Variants in HMCN1 observed in about 807,000 individuals in gnomAD.
HMCN1 encodes the protein hemicentin 1.
HMCN1 carries 321 observed loss-of-function variants against 625.9 expected under a neutral mutation model. The ratio of observed to expected loss-of-function variants is 0.51; its 90% confidence interval spans 0.47 to 0.56. The LOEUF is 0.56. Ranked by LOEUF, HMCN1 falls within the 20% of genes least tolerant of loss-of-function variation. The probability of loss-of-function intolerance (pLI) is 0.00; values close to 1 mark genes in which losing one functional copy is unlikely to be tolerated. For missense variants in HMCN1, 6,588 were observed against 6,887.3 expected (o/e 0.96, Z 1.54); for synonymous variants, 2,425 against 2,417.6 (o/e 1.00, Z -0.09).
intron 1 of HMCN1, among the ~76,000 whole-genome samples, chr1:185,763,569 G>C (rs555590889): frequency 1.3e-5 from 2 of 152,042 alleles, no homozygotes; most frequent in Non-Finnish European, 2.9e-5. Context: ...CTAAATGCTT[G>C]GTTAAAAATA....
chr1:185,947,962 G>A (rs534605180), intron 11 of HMCN1, among the ~76,000 whole-genome samples: 34 of 152,286 alleles, frequency 2.2e-4, no homozygotes, highest in African/African-American at 7.7e-4. Context: ...AAATGAAAAT[G>A]CATTTGAAAA....
At chr1:185,746,646 C>A (rs1262810889) in intron 1 of HMCN1, among the ~76,000 whole-genome samples, 1 of 149,454 alleles carries the variant, frequency 6.7e-6, no homozygotes, top group Non-Finnish European at 1.5e-5. Flanking sequence ...TCTCTGTTGC[C>A]CAGGCTAGAG....
At chr1:185,795,623 G>T (rs1658319177) in intron 1 of HMCN1, among the ~76,000 whole-genome samples, 1 of 152,128 alleles carries the variant, frequency 6.6e-6, no homozygotes, top group African/African-American at 2.4e-5. Flanking sequence ...CATGACCTCT[G>T]TTTACATTGA....
At chr1:186,043,389 T>C (rs1277502983) in intron 40 of HMCN1, among the ~76,000 whole-genome samples, 1 of 152,198 alleles carries the variant, frequency 6.6e-6, no homozygotes, top group East Asian at 1.9e-4. Flanking sequence ...ATAATTAGAT[T>C]TGCTTCAATT....
intron 85 of HMCN1, 96 bp downstream of exon 85, chr1:186,130,793 T>C: frequency 9.5e-7 from 1 of 1,049,338 alleles, no homozygotes; most frequent in Non-Finnish European, 1.5e-6. Flanking sequence ...CTTACATTCC[T>C]ATTTAAATCA....
chr1:185,813,141 A>G (rs1659631684), intron 1 of HMCN1, among the ~76,000 whole-genome samples: 1 of 152,178 alleles, frequency 6.6e-6, no homozygotes, highest in South Asian at 2.1e-4. Context: ...TTGGCCCCAT[A>G]ATAGTTGCTC....
At position 186,136,839 on chromosome 1, in the gene HMCN1, A is replaced by G. The variant is rs2102533701; in HGVS notation, c.13484A>G (p.Tyr4495Cys). 1 of 1,614,080 alleles carries G rather than the reference A, an allele frequency of 6.2e-7. No homozygotes were observed. Among genetic ancestry groups the G allele is most frequent in the East Asian group, 2.2e-5 (1 of 44,872 alleles). ...AACGTGTTGTCCAACAACTCATTAT[A>G]TATTGCTGATGCTCAGAAAGAAGAT... The part of the protein sequence containing the change: ...RVNVLSNNSL[Y>C]IADAQKEDTS... Residue 4495 changes from tyrosine (Y) to cysteine (C), a missense_variant, in exon 87 of 107, where the codon TAT becomes TGT. This residue lies in a region of HMCN1 where 1,954 missense variants were observed against 2,013.1 expected (regional missense o/e 0.97). Coordinates refer to ENST00000271588, the MANE Select transcript of HMCN1 (RefSeq NM_031935.3).
intron 101 of HMCN1, 84 bp downstream of exon 101, chr1:186,171,534 T>C: frequency 9.4e-7 from 1 of 1,060,876 alleles, no homozygotes; most frequent in Non-Finnish European, 1.5e-6. Context: ...CACTGTGTCT[T>C]GGTACTGGTT....
At chr1:186,092,950 T>C (rs550683134) in intron 64 of HMCN1, among the ~76,000 whole-genome samples, 184 bp from the exon 65 acceptor site, 2 of 152,258 alleles carry the variant, frequency 1.3e-5, no homozygotes, top group Non-Finnish European at 2.9e-5. Context: ...GAAGTATTCC[T>C]GATTTTGTTC....
At chr1:186,130,719 G>A (rs200019738) in intron 85 of HMCN1, 22 bp downstream of exon 85, 1 of 1,608,754 alleles carries the variant, frequency 6.2e-7, no homozygotes, top group East Asian at 2.2e-5. Context: ...CAGAATGATT[G>A]ATGCACCTTT....
chr1:185,963,161 A>G (rs963821224), intron 12 of HMCN1, among the ~76,000 whole-genome samples: 2 of 152,104 alleles, frequency 1.3e-5, no homozygotes, highest in African/African-American at 4.8e-5. Flanking sequence ...CATTGAATCC[A>G]CTCATGCTCC....
intron 98 of HMCN1, among the ~76,000 whole-genome samples, chr1:186,165,772 C>A (rs1651837168): frequency 6.6e-6 from 1 of 152,156 alleles, no homozygotes; most frequent in African/African-American, 2.4e-5. Context: ...CAAATCACAG[C>A]CCTGCCAGTA....
intron 1 of HMCN1, among the ~76,000 whole-genome samples, chr1:185,779,351 T>C (rs1418052372): frequency 6.6e-6 from 1 of 152,254 alleles, no homozygotes; most frequent in Non-Finnish European, 1.5e-5. Flanking sequence ...TTGAGTTTAA[T>C]TAGATCCCAT....
At chr1:186,119,046 G>A in intron 77 of HMCN1, 145 bp from the exon 78 acceptor site, 1 of 685,294 alleles carries the variant, frequency 1.5e-6, no homozygotes, top group Non-Finnish European at 2.7e-6. Flanking sequence ...TAAGTACTGT[G>A]CTAGGCACTT....
At chr1:186,003,359 G>A (rs980723664) in intron 28 of HMCN1, among the ~76,000 whole-genome samples, 3 of 152,110 alleles carry the variant, frequency 2.0e-5, no homozygotes, top group Non-Finnish European at 4.4e-5. Flanking sequence ...TAAGAGTGAT[G>A]TTAATTGTCA....
intron 97 of HMCN1, among the ~76,000 whole-genome samples, chr1:186,156,320 C>T (rs1194529357): frequency 2.0e-5 from 3 of 152,050 alleles, no homozygotes; most frequent in African/African-American, 7.2e-5. Context: ...CATGATTAAT[C>T]TTAATACATA....
chr1:186,108,372 C>A, intron 70 of HMCN1, 89 bp from the exon 71 acceptor site: 1 of 1,575,654 alleles, frequency 6.3e-7, no homozygotes, highest in Non-Finnish European at 8.7e-7. Flanking sequence ...TAATTTTATG[C>A]CTCTTATTAT....
At chr1:185,765,106 A>G (rs1338119945) in intron 1 of HMCN1, among the ~76,000 whole-genome samples, 2 of 152,192 alleles carry the variant, frequency 1.3e-5, no homozygotes, top group African/African-American at 2.4e-5. Flanking sequence ...GACAATCTGG[A>G]CTAATCAGAT....
At chr1:185,929,033 TATC>T (rs2102488234) in intron 10 of HMCN1, among the ~76,000 whole-genome samples, 2 of 149,620 alleles carry the variant, frequency 1.3e-5, no homozygotes, top group South Asian at 4.2e-4. Flanking sequence ...TTATTGTTAT[TATC>T]ATTATTGTCA....
Sources: allele counts gnomAD v4.1 joint callset (sites outside exome capture counted in the v4.1 genomes callset), GRCh38; gene constraint gnomAD v4.1.1; regional missense constraint gnomAD v4.1.1; transcripts MANE v1.5; gene names NCBI Gene and HGNC (gene_info 2026-07-23, HGNC 2026-07-21).